Variants in CPNE5 observed in about 807,000 individuals in gnomAD.
CPNE5 encodes the protein copine-5.
CPNE5 carries 42 observed loss-of-function variants against 81.1 expected under a neutral mutation model. The ratio of observed to expected loss-of-function variants is 0.52; its 90% CI spans 0.40 to 0.67. The LOEUF (loss-of-function observed/expected upper bound fraction) is 0.67. Ranked by LOEUF, CPNE5 falls within the 30% of genes least tolerant of loss-of-function variation. The probability of loss-of-function intolerance (pLI) is 0.00; values close to 1 mark genes in which losing one functional copy is unlikely to be tolerated. For missense variants in CPNE5, 612 were observed against 815.5 expected (o/e 0.75, Z 3.04); for synonymous variants, 313 against 321.5 (o/e 0.97, Z 0.28).
chr6:36,746,691 CCT>C lies in CPNE5; in HGVS notation c.1019-116_1019-115del, dbSNP rs969385223. ...CCCTAACTTTTATTAATTCTTGACT[CCT>C]CTCTTTCTCTCATACCCCATGTTAA... On this transcript the variant is annotated intron_variant, in intron 15 of 20. Coordinates refer to ENST00000244751, the MANE Select transcript of CPNE5 (RefSeq NM_020939.2). This position sits in a 1 kb window ranked among gnomAD's most constrained non-coding sequence, Gnocchi z 4.5. The C allele has an allele frequency of 6.0e-5, 53 of 885,842 alleles. No individual in the cohort carries two copies. The highest frequency in any genetic ancestry group is 9.1e-5 in the Non-Finnish European group (53 of 579,944). 54.9% of individuals were successfully genotyped at this position (885,842 alleles called of 1,614,324 possible).
chr6:36,746,344 C>A lies in CPNE5; in HGVS notation c.1200+52G>T. The A allele has an allele frequency of 1.5e-6, 2 of 1,322,258 alleles. No individual in the cohort carries two copies. Among genetic ancestry groups the A allele is most frequent in the Non-Finnish European group, 2.0e-6 (2 of 986,020 alleles). The allele number at this position is 1,322,258 out of a possible 1,614,324, so 81.9% of individuals were successfully genotyped here. On this transcript the variant is annotated intron_variant, in intron 16 of 20. Coordinates refer to ENST00000244751, the MANE Select transcript of CPNE5 (RefSeq NM_020939.2). This position sits in a 1 kb window ranked among gnomAD's most constrained non-coding sequence, Gnocchi z 4.5. ...AAACGTCCCCCCACCCCCAGCTTGT[C>A]ACCTCACCCCCAGCCTGATCAGTCC...
At chr6:36,762,778 C>T (rs565042313) in intron 12 of CPNE5, 139 bp downstream of exon 12, 1 of 695,030 alleles carries the variant, frequency 1.4e-6, no homozygotes, top group Admixed American at 2.5e-5. Context: ...ACTTGGTCTC[C>T]TTAACGGTAG....
rs532895938 is a variant in CPNE5 at position 36,771,975 on chromosome 6, C to G, written c.737+2986G>C. On this transcript the variant is annotated intron_variant, in intron 10 of 20. Transcript: ENST00000244751. ...TCCTGCAGCGAGATGAGGCTAGGCTCTGCCTCAGAGTGGGAGGTGGGAGCC... is the reference window on the plus strand; with the variant it reads ...TCCTGCAGCGAGATGAGGCTAGGCTGTGCCTCAGAGTGGGAGGTGGGAGCC... Among the ~76,000 whole-genome samples, 9 of 152,212 alleles carry G rather than the reference C, an allele frequency of 5.9e-5. No homozygotes were observed. The East Asian group carries it at 1.5e-3, about 26-fold the overall frequency.
intron 1 of CPNE5, among the ~76,000 whole-genome samples, chr6:36,830,349 G>C (rs1037975052): frequency 6.6e-6 from 1 of 152,172 alleles, no homozygotes; most frequent in African/African-American, 2.4e-5. Context: ...AGGAGAATGG[G>C]AGGGTTTCCC....
rs1247316290 is a variant in CPNE5 at position 36,766,543 on chromosome 6, T to C, written c.738-1167A>G. On this transcript the variant is annotated intron_variant, in intron 10 of 20. Transcript: ENST00000244751. The surrounding 1 kb of genome is among the most constrained non-coding windows in gnomAD (Gnocchi z 4.2). ...GATTCTTGTGAAAAACAAAAAACCA[T>C]GTCTCTCTGAGGTGAATTATTGTGG... Among the ~76,000 whole-genome samples, 2 of 152,026 alleles carry C rather than the reference T, an allele frequency of 1.3e-5. No individual in the cohort carries two copies. Among genetic ancestry groups the C allele is most frequent in the Non-Finnish European group, 2.9e-5 (2 of 68,004 alleles).
At chr6:36,835,307 C>T (rs187416901) in intron 1 of CPNE5, among the ~76,000 whole-genome samples, 32 of 152,338 alleles carry the variant, frequency 2.1e-4, no homozygotes, top group Non-Finnish European at 3.4e-4. Context: ...GAGAATGGAA[C>T]GTCAGACAGG....
chr6:36,810,956 CG>C (rs1268244683), intron 3 of CPNE5, among the ~76,000 whole-genome samples: 2 of 152,198 alleles, frequency 1.3e-5, no homozygotes. Flanking sequence ...CTCCCTATCT[CG>C]CCCAGAGACC....
At chr6:36,742,955 G>C in intron 20 of CPNE5, 1 of 985,288 alleles carries the variant, frequency 1.0e-6, no homozygotes, top group Non-Finnish European at 1.2e-6. Flanking sequence ...GCTTCTTCCC[G>C]GGGGTGCCCT....
intron 1 of CPNE5, among the ~76,000 whole-genome samples, chr6:36,828,737 G>T (rs138439061): frequency 2.0e-5 from 3 of 152,298 alleles, no homozygotes; most frequent in East Asian, 1.9e-4. Flanking sequence ...CTCAAGAAAA[G>T]GTGGTGTATC....
chr6:36,791,213 C>T (rs567366260), intron 8 of CPNE5, among the ~76,000 whole-genome samples: 10 of 152,228 alleles, frequency 6.6e-5, no homozygotes, highest in South Asian at 4.2e-4. Flanking sequence ...GGGCTGAGCC[C>T]GGATCTTAGA....
In CPNE5 at chr6:36,839,137, C is replaced by T; in HGVS notation, c.95+146G>A. On this transcript the variant is annotated intron_variant, in intron 1 of 20. Transcript: ENST00000244751. This position sits in a 1 kb window ranked among gnomAD's most constrained non-coding sequence, Gnocchi z 7.3. ...CACCCGCAGCTGGACAGGACAGGGGCTCTTGGCAGATCGGCAGGGGCGCAG... is the reference window on the plus strand; with the variant it reads ...CACCCGCAGCTGGACAGGACAGGGGTTCTTGGCAGATCGGCAGGGGCGCAG... The T allele has an allele frequency of 3.5e-6, 2 of 578,796 alleles. No individual in the cohort carries two copies. The highest frequency in any genetic ancestry group is 1.9e-5 in the African/African-American group (1 of 51,952). The allele number at this position is 578,796 out of a possible 1,614,324, so 35.9% of individuals were successfully genotyped here.
intron 12 of CPNE5, among the ~76,000 whole-genome samples, chr6:36,761,351 A>G (rs1299954498): frequency 1.3e-5 from 2 of 152,258 alleles, no homozygotes; most frequent in Non-Finnish European, 2.9e-5. Context: ...CTCATTCAGC[A>G]TGCGAATGTA....
chr6:36,832,351 C>G (rs1311948378), intron 1 of CPNE5, among the ~76,000 whole-genome samples: 2 of 152,208 alleles, frequency 1.3e-5, no homozygotes, highest in Non-Finnish European at 2.9e-5. Flanking sequence ...TCCCTGAAAT[C>G]CGGGAAGATG....
intron 8 of CPNE5, among the ~76,000 whole-genome samples, chr6:36,786,159 G>GA (rs1490514798): frequency 6.6e-6 from 1 of 151,762 alleles, no homozygotes; most frequent in Non-Finnish European, 1.5e-5. Context: ...CAATGAAAAA[G>GA]AAAAGGAATC....
At chr6:36,782,816 A>AACACACACACACACACACACACAC (rs3997726) in intron 8 of CPNE5, among the ~76,000 whole-genome samples, 1 of 126,230 alleles carries the variant, frequency 7.9e-6, no homozygotes, top group African/African-American at 3.2e-5. Context: ...CAAAAACCAA[A>AACACACACACACACACACACACAC]ACACACACAC....
intron 9 of CPNE5, among the ~76,000 whole-genome samples, chr6:36,775,935 A>G (rs778195643): frequency 2.0e-5 from 3 of 152,218 alleles, no homozygotes; most frequent in African/African-American, 4.8e-5. Context: ...GCGAGTTTCC[A>G]TAGCTTTCAC....
Position 36,743,694 on chromosome 6 carries a change from C to T in CPNE5, c.1558G>A (p.Val520Ile), listed in dbSNP as rs747232291. 6.2e-6 allele frequency: 10 copies of T among 1,613,352 alleles called. No individual in the cohort carries two copies. The highest frequency in any genetic ancestry group is 1.1e-5 in the South Asian group (1 of 91,086). ...AGGCAAGGCCTGGGCTTCACCTGGA[C>T]GATGTCGCGTTCAGCCAGCTTCCCC... is the stretch of plus-strand genomic sequence containing the variant. ...SRGKLAERDI[V>I]QFVPFRDYVD... The change falls in exon 20 of 21, where the codon GTC becomes ATC. Residue 520 changes from valine (V) to isoleucine (I), a missense_variant. By Grantham distance (29) the Val-to-Ile change is conservative (BLOSUM62 3). Transcript: ENST00000244751.
At chr6:36,838,390 C>T (rs1583081524) in intron 1 of CPNE5, among the ~76,000 whole-genome samples, 1 of 152,228 alleles carries the variant, frequency 6.6e-6, no homozygotes, top group East Asian at 1.9e-4. Flanking sequence ...GATCCTAGGC[C>T]AGCCACAGAG....
Position 36,748,188 on chromosome 6 carries a change from C to A in CPNE5, c.1018+33G>T, listed in dbSNP as rs778008169. The A allele has an allele frequency of 1.9e-6, 3 of 1,607,996 alleles. No individual in the cohort carries two copies. The African/African-American group carries it at 4.0e-5, about 21-fold the overall frequency. ...CACAGCCCTTAAAAGCTCTCTCCTC[C>A]CACCCTGCTCCTCTACCCATCCCCC... On this transcript the variant is annotated intron_variant, in intron 15 of 20. Transcript: ENST00000244751.
Sources: gnomAD v4.1 joint callset for allele counts (sites outside exome capture counted in the v4.1 genomes callset) on GRCh38, gnomAD v4.1.1 for gene constraint, Gnocchi (gnomAD v3.1) non-coding constraint, MANE v1.5 for transcripts, NCBI Gene and HGNC (gene_info 2026-07-23, HGNC 2026-07-21) for gene names.